Variants in NEGR1 observed in about 807,000 individuals in gnomAD.
The protein encoded by NEGR1 is neuronal growth regulator 1, also known as IgLON family member 4.
NEGR1 carries 10 observed loss-of-function variants against 40.9 expected under a neutral mutation model. The observed-to-expected ratio is 0.24, with a 90% CI of 0.15 to 0.42. The LOEUF is 0.42. NEGR1 is among the 10% of genes least tolerant of loss of function. The pLI, the probability that NEGR1 is intolerant of heterozygous loss-of-function variation, is 1.00. For missense variants in NEGR1, 352 were observed against 438.9 expected (o/e 0.80, Z 1.77); for synonymous variants, 185 against 166.8 (o/e 1.11, Z -0.84).
intron 1 of NEGR1, among the ~76,000 whole-genome samples, chr1:71,968,109 T>C (rs938993400): frequency 3.3e-5 from 5 of 152,212 alleles, no homozygotes; most frequent in Non-Finnish European, 7.3e-5. Context: ...GACTGTATTA[T>C]TTACTCTCTC....
At chr1:71,663,986 A>C (rs971744827) in intron 4 of NEGR1, among the ~76,000 whole-genome samples, 4 of 152,182 alleles carry the variant, frequency 2.6e-5, no homozygotes, top group Non-Finnish European at 5.9e-5. Context: ...TGAAGGTAAA[A>C]TTTCCATACG....
At chr1:71,464,371 T>C (rs1409489904) in intron 6 of NEGR1, among the ~76,000 whole-genome samples, 2 of 151,878 alleles carry the variant, frequency 1.3e-5, no homozygotes, top group Non-Finnish European at 2.9e-5. Flanking sequence ...AAAGAGAAAG[T>C]AAAGTGAACT....
intron 1 of NEGR1, among the ~76,000 whole-genome samples, chr1:72,028,235 T>C (rs536105708): frequency 6.6e-6 from 1 of 152,276 alleles, no homozygotes; most frequent in Admixed American, 6.5e-5. Flanking sequence ...CCATGCCTCA[T>C]CATCTTTCAT....
chr1:71,804,302 G>T (rs575185300), intron 2 of NEGR1, among the ~76,000 whole-genome samples: 170 of 152,204 alleles, frequency 1.1e-3, no homozygotes, highest in Middle Eastern at 3.2e-3. Context: ...ATGTTGCAAG[G>T]TGAATTAATT....
At chr1:72,226,921 C>T (rs1055569182) in intron 1 of NEGR1, among the ~76,000 whole-genome samples, 1 of 151,982 alleles carries the variant, frequency 6.6e-6, no homozygotes, top group Admixed American at 6.6e-5. Flanking sequence ...GGAAAAATGA[C>T]CATCCATTCC....
At chr1:71,705,970 A>G (rs938960879) in intron 3 of NEGR1, among the ~76,000 whole-genome samples, 2 of 152,142 alleles carry the variant, frequency 1.3e-5, no homozygotes, top group Non-Finnish European at 2.9e-5. Flanking sequence ...CATCAAGTTA[A>G]TAACTATCTA....
At chr1:71,423,530 T>A (rs2101282733) in intron 6 of NEGR1, among the ~76,000 whole-genome samples, 1 of 152,344 alleles carries the variant, frequency 6.6e-6, no homozygotes, top group East Asian at 1.9e-4. Flanking sequence ...AGTTGCATGT[T>A]GTTCATTTGA....
chr1:72,132,990 T>C (rs1219567026), intron 1 of NEGR1, among the ~76,000 whole-genome samples: 1 of 152,144 alleles, frequency 6.6e-6, no homozygotes, highest in African/African-American at 2.4e-5. Flanking sequence ...TTAGCTTCTT[T>C]TTTTCTGAAA....
At chr1:72,210,748 T>G (rs1230520630) in intron 1 of NEGR1, among the ~76,000 whole-genome samples, 1 of 151,934 alleles carries the variant, frequency 6.6e-6, no homozygotes, top group African/African-American at 2.4e-5. Context: ...GCATAACCAG[T>G]GAACCAGTAT....
At chr1:72,216,694 GAGTCAC>G (rs1460181505) in intron 1 of NEGR1, among the ~76,000 whole-genome samples, 2 of 150,956 alleles carry the variant, frequency 1.3e-5, no homozygotes, top group East Asian at 3.9e-4. Context: ...CTATGCCAGT[GAGTCAC>G]AGAATTTCTA....
chr1:71,971,453 G>A (rs989681482), intron 1 of NEGR1, among the ~76,000 whole-genome samples: 1 of 152,100 alleles, frequency 6.6e-6, no homozygotes, highest in African/African-American at 2.4e-5. Context: ...AACATTTCAT[G>A]TATTGATTGG....
rs76501926 is a variant in NEGR1 at position 72,101,711 on chromosome 1, T to G, written c.177-166400A>C. On this transcript the variant is annotated intron_variant, in intron 1 of 6. Transcript: ENST00000357731. ...ACTGAGACCTTTGTCTCAGATTGTT[T>G]CAGAAACAGCAAATGCTGGCTTCAA... Among the ~76,000 whole-genome samples, 944 of 152,222 alleles carry G rather than the reference T, an allele frequency of 6.2e-3. 10 individuals carry two copies. The highest frequency in any genetic ancestry group is 0.022 in the African/African-American group (900 of 41,558).
chr1:71,874,573 A>G (rs1660371166), intron 2 of NEGR1, among the ~76,000 whole-genome samples: 2 of 152,086 alleles, frequency 1.3e-5, no homozygotes, highest in Admixed American at 1.3e-4. Flanking sequence ...CTCTATTATT[A>G]ATGCCTGCTT....
chr1:72,192,977 C>A (rs1166517261), intron 1 of NEGR1, among the ~76,000 whole-genome samples: 1 of 151,606 alleles, frequency 6.6e-6, no homozygotes, highest in Non-Finnish European at 1.5e-5. Context: ...TAAAAGAAAG[C>A]AGCATTTAAT....
At chr1:71,895,814 GA>G (rs1660955236) in intron 2 of NEGR1, among the ~76,000 whole-genome samples, 1 of 152,062 alleles carries the variant, frequency 6.6e-6, no homozygotes, top group South Asian at 2.1e-4. Flanking sequence ...TGTATACCTA[GA>G]AGTGAAACTG....
chr1:71,445,630 A>G (rs931343803), intron 6 of NEGR1, among the ~76,000 whole-genome samples: 1 of 152,238 alleles, frequency 6.6e-6, no homozygotes, highest in East Asian at 1.9e-4. Context: ...AACTGCAGAC[A>G]CCTGAGAGGA....
At chr1:71,784,672 TC>T (rs1416964174) in intron 2 of NEGR1, among the ~76,000 whole-genome samples, 1 of 152,218 alleles carries the variant, frequency 6.6e-6, no homozygotes, top group East Asian at 1.9e-4. Flanking sequence ...ATTACTTTCT[TC>T]TATTTTCTCT....
chr1:71,704,285 T>C (rs1653813015), intron 3 of NEGR1, among the ~76,000 whole-genome samples: 1 of 151,630 alleles, frequency 6.6e-6, no homozygotes, highest in African/African-American at 2.4e-5. Context: ...AACAGAGCTA[T>C]GGAAATAGTA....
At chr1:71,448,892 A>T (rs1569884993) in intron 6 of NEGR1, among the ~76,000 whole-genome samples, 1 of 152,162 alleles carries the variant, frequency 6.6e-6, no homozygotes, top group African/African-American at 2.4e-5. Context: ...ATAGGATAAA[A>T]TCTCATTACT....
Sources: gnomAD v4.1 joint callset for allele counts (sites outside exome capture counted in the v4.1 genomes callset) on GRCh38, gnomAD v4.1.1 for gene constraint, MANE v1.5 for transcripts, NCBI Gene and HGNC (gene_info 2026-07-23, HGNC 2026-07-21) for gene names.